The following KLF12 variants were observed in gnomAD, a reference collection of about 807,000 sequenced individuals.
KLF12 encodes Krueppel-like factor 12.
A neutral mutation model predicts 37.8 loss-of-function variants in KLF12; 9 were observed. The ratio of observed to expected loss-of-function variants is 0.24; its 90% CI spans 0.14 to 0.42. KLF12 has a LOEUF of 0.42. Among genes scored for constraint, KLF12 ranks in the 10% least tolerant of loss-of-function variants. KLF12 has a pLI of 1.00. For synonymous variants in KLF12, 208 were observed against 202.1 expected (o/e 1.03, Z -0.25); for missense variants, 411 against 516.0 (o/e 0.80, Z 1.97).
chr13:74,110,229 G>A (rs1186589041), intron 1 of KLF12, among the ~76,000 whole-genome samples: 8 of 152,124 alleles, frequency 5.3e-5, no homozygotes, highest in African/African-American at 1.9e-4. Context: ...GCCTCGCCCA[G>A]AGCTCAAGTT....
the KLF12 span, among the ~76,000 whole-genome samples, chr13:74,156,740 C>G: frequency 2.0e-5 from 3 of 152,040 alleles, no homozygotes; most frequent in African/African-American, 7.2e-5. Context: ...CTTTCTGTAC[C>G]TGGCTTATTT....
chr13:73,711,879 C>T (rs896042971), intron 7 of KLF12, among the ~76,000 whole-genome samples: 1 of 152,092 alleles, frequency 6.6e-6, no homozygotes, highest in Non-Finnish European at 1.5e-5. Context: ...AGAGGATTCA[C>T]CATTCTAGAT....
chr13:74,249,859 C>G, the KLF12 span, among the ~76,000 whole-genome samples: 1 of 152,274 alleles, frequency 6.6e-6, no homozygotes, highest in African/African-American at 2.4e-5. Flanking sequence ...TGGACACTTT[C>G]TGGAAGTTCC....
intron 2 of KLF12, among the ~76,000 whole-genome samples, chr13:73,958,734 C>T (rs1247391861): frequency 1.3e-5 from 2 of 152,074 alleles, no homozygotes; most frequent in African/African-American, 2.4e-5. Flanking sequence ...AGTTTCCACC[C>T]AATCTTTCTG....
chr13:74,119,555 A>T (rs1182082289), intron 1 of KLF12, among the ~76,000 whole-genome samples: 1 of 152,160 alleles, frequency 6.6e-6, no homozygotes, highest in African/African-American at 2.4e-5. Context: ...TAGGCAAATA[A>T]CTTCTATGAA....
chr13:74,205,091 T>C, the KLF12 span, among the ~76,000 whole-genome samples: 1 of 152,144 alleles, frequency 6.6e-6, no homozygotes, highest in Non-Finnish European at 1.5e-5. Context: ...TTTTTGGTTC[T>C]TGCTTGTGGC....
At chr13:74,208,117 C>T in the KLF12 span, among the ~76,000 whole-genome samples, 13 of 152,198 alleles carry the variant, frequency 8.5e-5, no homozygotes, top group Non-Finnish European at 1.6e-4. Context: ...GGAATGCTCA[C>T]ATTCAAGACC....
chr13:74,137,264 GA>G (rs1878589437), upstream of KLF12, among the ~76,000 whole-genome samples: 1 of 152,168 alleles, frequency 6.6e-6, no homozygotes, highest in Non-Finnish European at 1.5e-5. Context: ...CTTAATTCAA[GA>G]GGACCATGTA....
At chr13:74,091,102 G>A (rs919538768) in intron 1 of KLF12, among the ~76,000 whole-genome samples, 2 of 152,116 alleles carry the variant, frequency 1.3e-5, no homozygotes, top group Non-Finnish European at 2.9e-5. Flanking sequence ...TTTTTGACGG[G>A]AGTACCAAGA....
At chr13:74,094,611 T>G (rs1875872111) in intron 1 of KLF12, among the ~76,000 whole-genome samples, 1 of 151,814 alleles carries the variant, frequency 6.6e-6, no homozygotes. Flanking sequence ...TTCTTTTTTT[T>G]TTTTTTGAGA....
chr13:73,746,610 AC>A (rs1878388145), intron 6 of KLF12, among the ~76,000 whole-genome samples: 1 of 152,140 alleles, frequency 6.6e-6, no homozygotes, highest in Non-Finnish European at 1.5e-5. Context: ...ACTGCCTGGC[AC>A]CTAGTAGGTG....
the KLF12 span, among the ~76,000 whole-genome samples, chr13:74,177,515 G>A: frequency 6.6e-6 from 1 of 152,150 alleles, no homozygotes; most frequent in East Asian, 1.9e-4. Context: ...TTACCATATT[G>A]CAAGGTTCTG....
intron 3 of KLF12, among the ~76,000 whole-genome samples, chr13:73,939,621 C>T (rs1025282392): frequency 3.9e-5 from 6 of 151,914 alleles, no homozygotes; most frequent in Non-Finnish European, 5.9e-5. Context: ...GCAACATAAA[C>T]GAAAGTAATA....
intron 4 of KLF12, among the ~76,000 whole-genome samples, chr13:73,818,746 G>C (rs534950194): frequency 6.6e-6 from 1 of 152,212 alleles, no homozygotes; most frequent in Non-Finnish European, 1.5e-5. Context: ...TCACCTCCAC[G>C]CGCCAGGGCT....
intron 4 of KLF12, among the ~76,000 whole-genome samples, chr13:73,841,088 C>A (rs1027166088): frequency 6.6e-6 from 1 of 152,172 alleles, no homozygotes; most frequent in Admixed American, 6.5e-5. Context: ...GCATCTGATA[C>A]ACATGAACTG....
intron 6 of KLF12, among the ~76,000 whole-genome samples, chr13:73,760,447 G>C (rs1174805499): frequency 6.6e-6 from 1 of 151,978 alleles, no homozygotes; most frequent in Non-Finnish European, 1.5e-5. Flanking sequence ...CTCCTGAGTA[G>C]CTAGGACTAC....
intron 3 of KLF12, among the ~76,000 whole-genome samples, chr13:73,893,629 G>A (rs1887619492): frequency 2.0e-5 from 3 of 152,050 alleles, no homozygotes; most frequent in African/African-American, 2.4e-5. Context: ...TGATCTGCTC[G>A]AGTTGACCTC....
intron 1 of KLF12, among the ~76,000 whole-genome samples, chr13:74,114,513 A>T (rs1162728236): frequency 6.6e-6 from 1 of 152,222 alleles, no homozygotes; most frequent in Non-Finnish European, 1.5e-5. Context: ...CCTATAATTA[A>T]GGTCTTATAT....
chr13:73,914,396 A>C (rs1888714907), intron 3 of KLF12, among the ~76,000 whole-genome samples: 1 of 152,178 alleles, frequency 6.6e-6, no homozygotes. Flanking sequence ...AATTTCACCA[A>C]AGTGAGGCAT....
Sources: allele counts gnomAD v4.1 joint callset (sites outside exome capture counted in the v4.1 genomes callset), GRCh38; gene constraint gnomAD v4.1.1; transcripts MANE v1.5; gene names NCBI Gene and HGNC (gene_info 2026-07-23, HGNC 2026-07-21).